PSPC1: variants seen among roughly 807,000 people sequenced by gnomAD.
The protein encoded by PSPC1 is paraspeckle component 1, also known as paraspeckle protein 1.
A neutral mutation model predicts 51.6 loss-of-function variants in PSPC1; 14 were observed. The observed-to-expected ratio is 0.27, with a 90% CI of 0.18 to 0.42. PSPC1 has a LOEUF of 0.42. Ranked by LOEUF, PSPC1 falls within the 10% of genes least tolerant of loss-of-function variation. The pLI is 1.00. For missense variants in PSPC1, 406 were observed against 701.1 expected, an observed-to-expected ratio of 0.58 and a Z score of 4.75; for synonymous variants, 193 against 231.9, an observed-to-expected ratio of 0.83 and a Z score of 1.53.
At chr13:19,777,429 CAAAAAAA>C (rs397938970) in intron 1 of PSPC1, among the ~76,000 whole-genome samples, 11 of 47,902 alleles carry the variant, frequency 2.3e-4, no homozygotes, top group South Asian at 2.2e-3. Context: ...GACCTCAGCT[CAAAAAAA>C]AAAAAAAAAA....
intron 1 of PSPC1, among the ~76,000 whole-genome samples, chr13:19,780,859 T>C (rs1039787712): frequency 6.6e-6 from 1 of 152,110 alleles, no homozygotes; most frequent in Admixed American, 6.6e-5. Context: ...AACCCAATTT[T>C]GAAAATCAAA....
intron 6 of PSPC1, among the ~76,000 whole-genome samples, chr13:19,689,541 G>C (rs1361494091): frequency 6.6e-6 from 1 of 152,008 alleles, no homozygotes; most frequent in African/African-American, 2.4e-5. Context: ...AAAACCCTTT[G>C]CATACGCTGA....
rs1300357874 is a variant in PSPC1, at chr13:19,782,119, G to A, written c.372+267C>T. Among the ~76,000 whole-genome samples, 3 of 152,246 alleles carry A rather than the reference G, an allele frequency of 2.0e-5. No homozygotes were observed. The highest frequency in any genetic ancestry group is 2.9e-5 in the Non-Finnish European group (2 of 68,056). On this transcript the variant is annotated intron_variant, in intron 1 of 8. Coordinates refer to ENST00000338910, the MANE Select transcript of PSPC1 (RefSeq NM_001354909.2). The surrounding 1 kb of genome is among the most constrained non-coding windows in gnomAD (Gnocchi z 4.5). ...TGCCCGATCCAGCGCAGGGCAGCAG[G>A]CCTGCAGCCACCGCAAAGCACGATC...
chr13:19,769,420 C>T (rs9579678), intron 2 of PSPC1, among the ~76,000 whole-genome samples: 17,275 of 151,956 alleles, frequency 0.11, 1,258 homozygotes, highest in African/African-American at 0.2. Flanking sequence ...CCGGGCGTGG[C>T]GGCATGAGCC....
chr13:19,749,407 G>C (rs569172757), intron 4 of PSPC1, among the ~76,000 whole-genome samples: 337 of 151,524 alleles, frequency 2.2e-3, no homozygotes, highest in African/African-American at 8.0e-3. Context: ...GTAGTCCCAG[G>C]GAGGGTGTAC....
intron 7 of PSPC1, chr13:19,676,002 A>G (rs1708136636): frequency 1.3e-5 from 2 of 152,226 alleles, no homozygotes; most frequent in Admixed American, 1.3e-4. Context: ...AACTGAAGTA[A>G]CAGTATTCAC....
intron 6 of PSPC1, among the ~76,000 whole-genome samples, chr13:19,726,319 C>G (rs998110074): frequency 2.0e-5 from 3 of 152,132 alleles, no homozygotes; most frequent in Non-Finnish European, 4.4e-5. Flanking sequence ...TTTGAATCTT[C>G]GCTACCAAAA....
intron 4 of PSPC1, among the ~76,000 whole-genome samples, chr13:19,745,624 T>C (rs1277939944): frequency 1.3e-5 from 2 of 151,534 alleles, no homozygotes; most frequent in African/African-American, 4.8e-5. Flanking sequence ...AATTAATTTT[T>C]TTTTTTTTTT....
chr13:19,772,051 G>T (rs114205128), intron 2 of PSPC1, among the ~76,000 whole-genome samples, 191 bp downstream of exon 2: 1,789 of 152,250 alleles, frequency 0.012, 36 homozygotes, highest in African/African-American at 0.039. Context: ...TTTAAACTCT[G>T]AAGTTTGAAG....
At chr13:19,725,282 A>G (rs1188492738) in intron 6 of PSPC1, among the ~76,000 whole-genome samples, 1 of 152,190 alleles carries the variant, frequency 6.6e-6, no homozygotes, top group East Asian at 1.9e-4. Context: ...CATGACTACC[A>G]ATGAACCTTC....
At chr13:19,755,017 G>A (rs557796604) in intron 3 of PSPC1, among the ~76,000 whole-genome samples, 1 of 152,084 alleles carries the variant, frequency 6.6e-6, no homozygotes, top group South Asian at 2.1e-4. Flanking sequence ...CAGATCGCTT[G>A]AGCCCAGGAG....
chr13:19,739,748 AT>A (rs1443842584), intron 5 of PSPC1, among the ~76,000 whole-genome samples: 1 of 152,100 alleles, frequency 6.6e-6, no homozygotes, highest in African/African-American at 2.4e-5. Flanking sequence ...CGTCTCCAAA[AT>A]AAAATTTAAA....
intron 6 of PSPC1, among the ~76,000 whole-genome samples, chr13:19,717,396 T>TCTCTATG (rs1882234744): frequency 6.6e-6 from 1 of 150,670 alleles, no homozygotes. Context: ...TGAAACCCCA[T>TCTCTATG]AAATACTAAA....
intron 5 of PSPC1, among the ~76,000 whole-genome samples, chr13:19,736,475 A>T (rs1284673062): frequency 6.6e-6 from 1 of 152,014 alleles, no homozygotes; most frequent in Non-Finnish European, 1.5e-5. Flanking sequence ...CAAGGTCAGC[A>T]GATCGAGACC....
At chr13:19,736,405 C>T (rs1432127934) in intron 5 of PSPC1, among the ~76,000 whole-genome samples, 2 of 151,948 alleles carry the variant, frequency 1.3e-5, no homozygotes, top group Non-Finnish European at 2.9e-5. Flanking sequence ...ATCTTCAGGC[C>T]ACGCACAGTG....
chr13:19,767,166 A>C (rs1888155590), intron 2 of PSPC1, among the ~76,000 whole-genome samples: 1 of 152,132 alleles, frequency 6.6e-6, no homozygotes, highest in Non-Finnish European at 1.5e-5. Flanking sequence ...AAAAAAAATA[A>C]AAAATTAAAA....
At chr13:19,781,148 A>C (rs1463073891) in intron 1 of PSPC1, among the ~76,000 whole-genome samples, 1 of 125,706 alleles carries the variant, frequency 8.0e-6, no homozygotes, top group Non-Finnish European at 1.7e-5. Context: ...CCAGTCTCAA[A>C]AAAAAAAAAA....
At chr13:19,773,466 C>G (rs1229772831) in intron 1 of PSPC1, among the ~76,000 whole-genome samples, 2 of 151,806 alleles carry the variant, frequency 1.3e-5, no homozygotes, top group African/African-American at 2.4e-5. Flanking sequence ...GGCCTGAACT[C>G]CTGACTCCAG....
At chr13:19,704,994 TA>T (rs1453380796) in intron 8 of PSPC1, among the ~76,000 whole-genome samples, 4 of 152,238 alleles carry the variant, frequency 2.6e-5, no homozygotes, top group African/African-American at 9.6e-5. Context: ...TGTGTGTTCA[TA>T]CATATTGGAC....
Sources: gnomAD v4.1 joint callset for allele counts (sites outside exome capture counted in the v4.1 genomes callset) on GRCh38, gnomAD v4.1.1 for gene constraint, Gnocchi (gnomAD v3.1) non-coding constraint, MANE v1.5 for transcripts, NCBI Gene and HGNC (gene_info 2026-07-23, HGNC 2026-07-21) for gene names.